The following MACROD2 variants were observed in gnomAD, a reference collection of about 807,000 sequenced individuals.
MACROD2 encodes ADP-ribose glycohydrolase MACROD2.
A neutral mutation model predicts 70.4 loss-of-function variants in MACROD2; 36 were observed. That is an observed-to-expected ratio of 0.51 (90% CI 0.39 to 0.68). MACROD2 has a LOEUF of 0.68. Ranked by LOEUF, MACROD2 falls within the 30% of genes least tolerant of loss-of-function variation. The probability of loss-of-function intolerance (pLI) is 0.00; values close to 1 mark genes in which losing one functional copy is unlikely to be tolerated. For missense variants in MACROD2, 496 were observed against 538.4 expected, an observed-to-expected ratio of 0.92 and a Z score of 0.78; for synonymous variants, 172 against 178.8, an observed-to-expected ratio of 0.96 and a Z score of 0.30.
intron 5 of MACROD2, among the ~76,000 whole-genome samples, chr20:15,036,993 TTA>T (rs1278358355): frequency 2.6e-5 from 4 of 152,048 alleles, no homozygotes; most frequent in Admixed American, 1.3e-4. Flanking sequence ...ACTATAAAAA[TTA>T]TGTTTTTAAT....
intron 8 of MACROD2, among the ~76,000 whole-genome samples, chr20:15,785,851 G>A (rs914267288): frequency 1.3e-5 from 2 of 152,000 alleles, no homozygotes; most frequent in African/African-American, 4.8e-5. Context: ...GAAAAAATAA[G>A]AGAAATTAAA....
chr20:15,334,743 T>C (rs1362845236), intron 6 of MACROD2, among the ~76,000 whole-genome samples: 2 of 151,662 alleles, frequency 1.3e-5, no homozygotes, highest in African/African-American at 4.9e-5. Flanking sequence ...ATTATTGCAA[T>C]GTATATTATG....
At chr20:15,284,897 A>G (rs1317106066) in intron 6 of MACROD2, among the ~76,000 whole-genome samples, 3 of 152,232 alleles carry the variant, frequency 2.0e-5, no homozygotes, top group African/African-American at 7.2e-5. Context: ...AATGTTTAAT[A>G]AATGATAGTT....
chr20:15,570,965 AC>A (rs1414459511), intron 8 of MACROD2, among the ~76,000 whole-genome samples: 2 of 152,192 alleles, frequency 1.3e-5, no homozygotes, highest in East Asian at 3.9e-4. Context: ...ATAGATAATT[AC>A]CTCAGTATTT....
At chr20:16,008,955 A>G (rs1055531050) in intron 15 of MACROD2, among the ~76,000 whole-genome samples, 6 of 151,858 alleles carry the variant, frequency 4.0e-5, no homozygotes, top group African/African-American at 1.2e-4. Context: ...CTAGAAGTCC[A>G]GTAGTTTTCC....
In MACROD2 at chr20:15,595,334, C is replaced by T. The variant is rs114201698; in HGVS notation, c.645+95487C>T. ...AGTTTAAGAAATAAATTTAGGAATCCTCATACAAAAAATTTATAGCACAGG... is the reference window on the plus strand; with the variant it reads ...AGTTTAAGAAATAAATTTAGGAATCTTCATACAAAAAATTTATAGCACAGG... On this transcript the variant is annotated intron_variant, in intron 8 of 17. Coordinates refer to ENST00000684519, the MANE Select transcript of MACROD2 (RefSeq NM_001351661.2). Among the ~76,000 whole-genome samples the T allele has an allele frequency of 3.6e-3, 547 of 152,088 alleles. 7 individuals carry two copies. The highest frequency in any genetic ancestry group is 0.013 in the African/African-American group (534 of 41,484).
At chr20:14,124,559 C>T (rs773937059) in intron 3 of MACROD2, among the ~76,000 whole-genome samples, 4 of 152,002 alleles carry the variant, frequency 2.6e-5, no homozygotes, top group Non-Finnish European at 5.9e-5. Context: ...ATGTCAGATG[C>T]GTGTAGGGTA....
At chr20:14,667,272 C>G (rs190043183) in intron 4 of MACROD2, among the ~76,000 whole-genome samples, 162 of 152,200 alleles carry the variant, frequency 1.1e-3, no homozygotes, top group Non-Finnish European at 1.5e-3. Context: ...AGCCAGCACT[C>G]CTGTATAAAT....
At chr20:14,586,942 A>G (rs546319674) in intron 4 of MACROD2, among the ~76,000 whole-genome samples, 1 of 151,538 alleles carries the variant, frequency 6.6e-6, no homozygotes, top group Non-Finnish European at 1.5e-5. Flanking sequence ...GACATAATAT[A>G]TTTTTTTTCA....
intron 10 of MACROD2, among the ~76,000 whole-genome samples, chr20:15,894,584 T>C (rs3803978): frequency 0.041 from 6,240 of 152,020 alleles, 299 homozygotes; most frequent in East Asian, 0.13. Flanking sequence ...AAAGGAGAGG[T>C]GCAGAAAGGC....
chr20:14,567,998 C>G (rs1979920849), intron 4 of MACROD2, among the ~76,000 whole-genome samples: 1 of 151,986 alleles, frequency 6.6e-6, no homozygotes, highest in South Asian at 2.1e-4. Context: ...AGAGCACATA[C>G]TTAGGACTGC....
chr20:14,448,639 GC>G (rs1481516511), intron 3 of MACROD2, among the ~76,000 whole-genome samples: 1 of 151,648 alleles, frequency 6.6e-6, no homozygotes, highest in African/African-American at 2.4e-5. Flanking sequence ...CTGCACTCCA[GC>G]CTGGGCAATA....
At chr20:14,906,066 A>G (rs1041767766) in intron 5 of MACROD2, 1 of 152,226 alleles carries the variant, frequency 6.6e-6, no homozygotes, top group African/African-American at 2.4e-5. Flanking sequence ...AAGAGGAACA[A>G]ATAAGAAAGA....
intron 4 of MACROD2, among the ~76,000 whole-genome samples, chr20:14,513,662 C>T (rs1272816953): frequency 2.0e-5 from 3 of 151,968 alleles, no homozygotes; most frequent in Admixed American, 2.0e-4. Context: ...AGTAAGAATA[C>T]ATAAAAAAAC....
At chr20:15,509,043 C>T (rs1725090591) in intron 8 of MACROD2, among the ~76,000 whole-genome samples, 1 of 152,064 alleles carries the variant, frequency 6.6e-6, no homozygotes, top group Non-Finnish European at 1.5e-5. Flanking sequence ...TTATTTTTTT[C>T]AAAAGTGTAT....
At chr20:15,023,983 A>G (rs1362874511) in intron 5 of MACROD2, among the ~76,000 whole-genome samples, 1 of 152,174 alleles carries the variant, frequency 6.6e-6, no homozygotes, top group East Asian at 1.9e-4. Context: ...CTGATTTAAC[A>G]TGTGAGTGTT....
intron 3 of MACROD2, among the ~76,000 whole-genome samples, chr20:14,189,729 G>A (rs1435711523): frequency 6.6e-6 from 1 of 152,156 alleles, no homozygotes; most frequent in Non-Finnish European, 1.5e-5. Context: ...AAATATGTGA[G>A]TCCAGAATTG....
chr20:15,925,759 C>T lies in MACROD2; in HGVS notation c.776-7517C>T, dbSNP rs1335228724. 5.3e-5 allele frequency among the ~76,000 whole-genome samples: 8 copies of T among 152,132 alleles called. 1 individual carries two copies. The highest frequency in any genetic ancestry group is 2.6e-4 in the Admixed American group (4 of 15,276). On this transcript the variant is annotated intron_variant, in intron 10 of 17. Transcript: ENST00000684519. Reference sequence around the variant, plus strand: ...ACACGTGTTATTAAACTGAAGTCCCCGTTAACAGACACACGGGCTTAAAAA... The same window carrying T: ...ACACGTGTTATTAAACTGAAGTCCCTGTTAACAGACACACGGGCTTAAAAA...
intron 10 of MACROD2, among the ~76,000 whole-genome samples, chr20:15,931,661 T>G (rs1601157870): frequency 6.6e-6 from 1 of 150,958 alleles, no homozygotes; most frequent in African/African-American, 2.4e-5. Context: ...AAAAAAAAAG[T>G]AGTTATATTG....
Sources: allele counts gnomAD v4.1 joint callset (sites outside exome capture counted in the v4.1 genomes callset), GRCh38; gene constraint gnomAD v4.1.1; transcripts MANE v1.5; gene names NCBI Gene and HGNC (gene_info 2026-07-23, HGNC 2026-07-21).